The following ABRAXAS1 variants were observed in gnomAD, a reference collection of about 807,000 sequenced individuals.
ABRAXAS1 encodes abraxas 1, BRCA1 A complex subunit, also known as BRCA1-A complex subunit Abraxas 1.
A neutral mutation model predicts 38.4 loss-of-function variants in ABRAXAS1; 26 were observed. That is an observed-to-expected ratio of 0.68 (90% CI 0.50 to 0.94). ABRAXAS1 has a LOEUF of 0.94. Ranked by LOEUF, ABRAXAS1 falls within the 40% of genes least tolerant of loss-of-function variation. The pLI, the probability that ABRAXAS1 is intolerant of heterozygous loss-of-function variation, is 0.00. For synonymous variants in ABRAXAS1, 144 were observed against 165.5 expected, an observed-to-expected ratio of 0.87 and a Z score of 1.00; for missense variants, 438 against 481.9, an observed-to-expected ratio of 0.91 and a Z score of 0.85.
chr4:83,462,801 AC>A lies in ABRAXAS1; in HGVS notation c.897del (p.Met299IlefsTer3). The stretch of plus-strand genomic sequence containing the variant: ...TTAGAAACATGTCTATTTTTTAAAG[AC>A]ATAACACATGAATGAAGAAATTCAG... The part of the protein sequence containing the change: ...PNSEFLHSCV[M>X]SLKNRHVSKS... On this transcript the variant is annotated frameshift_variant, in exon 9 of 9. Transcript: ENST00000321945. LOFTEE classifies it low-confidence loss of function (END_TRUNC). 1 of 1,613,570 alleles carries A rather than the reference AC, an allele frequency of 6.2e-7. No individual in the cohort carries two copies. The highest frequency in any genetic ancestry group is 1.1e-5 in the South Asian group (1 of 90,856).
At chr4:83,471,743 G>A (rs930409875) in intron 4 of ABRAXAS1, among the ~76,000 whole-genome samples, 4 of 151,992 alleles carry the variant, frequency 2.6e-5, no homozygotes, top group African/African-American at 9.7e-5. Context: ...GGTGGCGGGT[G>A]CCTATAATCC....
At chr4:83,476,876 T>C (rs1245081227) in intron 2 of ABRAXAS1, among the ~76,000 whole-genome samples, 197 bp from the exon 3 acceptor site, 2 of 152,206 alleles carry the variant, frequency 1.3e-5, no homozygotes, top group East Asian at 1.9e-4. Flanking sequence ...GAGAGATAAG[T>C]GGCTCACCCA....
intron 7 of ABRAXAS1, chr4:83,463,810 G>T: frequency 2.9e-6 from 1 of 347,516 alleles, no homozygotes; most frequent in Non-Finnish European, 5.1e-6. Flanking sequence ...GTTGTAAAAT[G>T]CTTTTTCACA....
rs1722491084 is a variant in ABRAXAS1 at position 83,469,151 on chromosome 4, T to C, written c.477A>G (p.Gly159=). The C allele has an allele frequency of 2.5e-6, 4 of 1,612,946 alleles. No individual in the cohort carries two copies. Among genetic ancestry groups the C allele is most frequent in the Admixed American group, 1.7e-5 (1 of 59,844 alleles). ...LEHSLYKPQK[G]LFHRVPLVVA... Reference sequence around the variant, plus strand: ...CCACTAAAGGTACCCTGTGAAAAAGTCTGACAAAATAAAACTTTAGAGTAT... The same window carrying C: ...CCACTAAAGGTACCCTGTGAAAAAGCCTGACAAAATAAAACTTTAGAGTAT... Residue 159 remains glycine (G), a splice_region_variant and synonymous_variant, in exon 6 of 9, where the codon GGA becomes GGG. Transcript: ENST00000321945.
chr4:83,482,537 C>T (rs1723034523), intron 1 of ABRAXAS1, among the ~76,000 whole-genome samples: 1 of 152,070 alleles, frequency 6.6e-6, no homozygotes, highest in South Asian at 2.1e-4. Flanking sequence ...GGTAAAACTC[C>T]GTCTGTACAA....
At chr4:83,484,458 T>C (rs112810613) in intron 1 of ABRAXAS1, among the ~76,000 whole-genome samples, 17 of 152,360 alleles carry the variant, frequency 1.1e-4, no homozygotes, top group African/African-American at 3.8e-4. Context: ...TAAAAAGATA[T>C]CTGATATACC....
rs1354635233 is a variant in ABRAXAS1 at position 83,467,488 on chromosome 4, TTTATC to T, written c.642_646del (p.Ile215Ter). 6.4e-7 allele frequency: 1 copy of T among 1,566,334 alleles called. No individual in the cohort carries two copies. The highest frequency in any genetic ancestry group is 8.8e-7 in the Non-Finnish European group (1 of 1,140,598). ...CTCTTGTAATGAAGCATACATTTCA[TTTATC>T]TTATGTACCTCCTTTAAGGATCCAT... On this transcript the variant is annotated frameshift_variant, in exon 7 of 9. Coordinates refer to ENST00000321945, the MANE Select transcript of ABRAXAS1 (RefSeq NM_139076.3). LOFTEE classifies it high-confidence loss of function.
At chr4:83,464,801 A>G (rs1350296835) in intron 7 of ABRAXAS1, among the ~76,000 whole-genome samples, 2 of 152,204 alleles carry the variant, frequency 1.3e-5, no homozygotes, top group Non-Finnish European at 2.9e-5. Flanking sequence ...CTGGCCTGCC[A>G]GTGGATGAAG....
chr4:83,467,452 A>G lies in ABRAXAS1; in HGVS notation c.681+2T>C, dbSNP rs1722414778. The G allele has an allele frequency of 2.0e-6, 3 of 1,469,972 alleles. No individual in the cohort carries two copies. The highest frequency in any genetic ancestry group is 2.8e-5 in the African/African-American group (2 of 72,120). The allele number at this position is 1,469,972 out of a possible 1,614,324, so 91.1% of individuals were successfully genotyped here. On this transcript the variant is annotated splice_donor_variant, in intron 7 of 8. Coordinates refer to ENST00000321945, the MANE Select transcript of ABRAXAS1 (RefSeq NM_139076.3). LOFTEE classifies it high-confidence loss of function. The stretch of plus-strand genomic sequence containing the variant: ...GTTGACGTGTTTGATATGTTAACTT[A>G]CCTTTAATTCCTCTTGTAATGAAGC...
Position 83,472,286 on chromosome 4 carries a change from A to C in ABRAXAS1, c.218T>G (p.Phe73Cys). Residue 73 changes from phenylalanine to cysteine, a missense_variant and splice_region_variant, in exon 4 of 9, where the codon TTT becomes TGT. Around this residue, in one of 3 missense-constraint regions of ABRAXAS1, gnomAD observed 194 missense variants for 269.0 expected, o/e 0.72. Transcript: ENST00000321945. ...ATTTACTTCGCCTGAAGAATTATAAAAGCTGTAAAAGCCAAAATTAAAGGT... is the reference window on the plus strand; with the variant it reads ...ATTTACTTCGCCTGAAGAATTATAACAGCTGTAAAAGCCAAAATTAAAGGT... ...KYIPCYQLFS[F>C]YNSSGEVNEQ... The C allele has an allele frequency of 6.7e-7, 1 of 1,499,296 alleles. No individual in the cohort carries two copies. Among genetic ancestry groups the C allele is most frequent in the Non-Finnish European group, 8.9e-7 (1 of 1,119,976 alleles). 92.9% of individuals were successfully genotyped at this position (1,499,296 alleles called of 1,614,324 possible).
chr4:83,469,787 TAA>T (rs10537160), intron 5 of ABRAXAS1: 18,632 of 157,220 alleles, frequency 0.12, 3,713 homozygotes, highest in African/African-American at 0.42. Flanking sequence ...TTACTATATA[TAA>T]AACCTGTAAG....
Position 83,460,828 on chromosome 4 carries a change from C to A in ABRAXAS1, c.*1641G>T. 1.5e-6 allele frequency: 1 copy of A among 651,762 alleles called. No homozygotes were observed. 40.4% of individuals were successfully genotyped at this position (651,762 alleles called of 1,614,324 possible). A position where few individuals can be genotyped will look rare whatever the true frequency, so the allele number is the denominator to read the frequency against. ...GGCTGAGGCAAGATAATCGATTGAG[C>A]CTGGGTGGCGGAGGTTGCAGTGAGG... On this transcript the variant is annotated 3_prime_UTR_variant, in exon 9 of 9. Coordinates refer to ENST00000321945, the MANE Select transcript of ABRAXAS1 (RefSeq NM_139076.3).
intron 7 of ABRAXAS1, 30 bp downstream of exon 7, chr4:83,467,424 G>A (rs1268410646): frequency 8.6e-7 from 1 of 1,161,938 alleles, no homozygotes; most frequent in Non-Finnish European, 1.3e-6. Flanking sequence ...CTATCTAGAA[G>A]TGGTTGACGT....
chr4:83,476,755 T>C, intron 2 of ABRAXAS1, 76 bp from the exon 3 acceptor site: 2 of 928,592 alleles, frequency 2.2e-6, no homozygotes, highest in Non-Finnish European at 1.7e-6. Flanking sequence ...ATTGAGCCTT[T>C]ACCTCACGCC....
intron 7 of ABRAXAS1, among the ~76,000 whole-genome samples, chr4:83,466,355 A>C (rs1319332668): frequency 6.6e-6 from 1 of 152,132 alleles, no homozygotes; most frequent in Non-Finnish European, 1.5e-5. Flanking sequence ...CTGACACATG[A>C]AGAAGAACTG....
rs370034758 is a variant in ABRAXAS1 at position 83,463,477 on chromosome 4, A to C, written c.796+17T>G. 7 of 1,493,892 alleles carry C rather than the reference A, an allele frequency of 4.7e-6. No individual in the cohort carries two copies. The African/African-American group carries it at 9.8e-5, about 21-fold the overall frequency. The allele number at this position is 1,493,892 out of a possible 1,614,324, so 92.5% of individuals were successfully genotyped here. On this transcript the variant is annotated intron_variant, in intron 8 of 8. Transcript: ENST00000321945. ...AAAATTTTTAGCACAGAAAGTAGAG[A>C]TGTGTTGTTTACTTACTTGCTGCCT...
intron 1 of ABRAXAS1, chr4:83,484,007 T>C: frequency 1.0e-6 from 1 of 982,574 alleles, no homozygotes; most frequent in Non-Finnish European, 1.2e-6. Flanking sequence ...CCAACCTTTA[T>C]TAGGATTGTG....
rs1722013157 is a variant in ABRAXAS1 at position 83,459,847 on chromosome 4, AATCT to A, written c.*2618_*2621del. Reference sequence around the variant, plus strand: ...TATAAATGTAGATACGAATTATATCAATCTATTTCTATCATTTAAGAAAACTCAA... The same window carrying A: ...TATAAATGTAGATACGAATTATATCAATTTCTATCATTTAAGAAAACTCAA... On this transcript the variant is annotated 3_prime_UTR_variant, in exon 9 of 9. Coordinates refer to ENST00000321945, the MANE Select transcript of ABRAXAS1 (RefSeq NM_139076.3). The A allele has an allele frequency of 6.9e-7, 1 of 1,440,460 alleles. No individual in the cohort carries two copies. Among genetic ancestry groups the A allele is most frequent in the Non-Finnish European group, 9.6e-7 (1 of 1,043,844 alleles). The allele number at this position is 1,440,460 out of a possible 1,614,324, so 89.2% of individuals were successfully genotyped here.
At chr4:83,484,927 A>C in intron 1 of ABRAXAS1, 59 bp downstream of exon 1, 1 of 1,431,074 alleles carries the variant, frequency 7.0e-7, no homozygotes, top group South Asian at 1.3e-5. Flanking sequence ...GCGGGGAGGC[A>C]GGCCGCGCGC....
Sources: allele counts gnomAD v4.1 joint callset (sites outside exome capture counted in the v4.1 genomes callset), GRCh38; gene constraint gnomAD v4.1.1; regional missense constraint gnomAD v4.1.1; transcripts MANE v1.5; gene names NCBI Gene and HGNC (gene_info 2026-07-23, HGNC 2026-07-21).